SLC30A8: variants seen among roughly 807,000 people sequenced by gnomAD.
SLC30A8 encodes proton-coupled zinc antiporter SLC30A8.
A neutral mutation model predicts 36.9 loss-of-function variants in SLC30A8; 27 were observed. That is an observed-to-expected ratio of 0.73 (90% CI 0.54 to 1.01). The LOEUF (loss-of-function observed/expected upper bound fraction) is 1.01, where lower values mean the gene tolerates loss of function less well. Ranked by LOEUF, SLC30A8 falls within the 50% of genes least tolerant of loss-of-function variation. The pLI is 0.00. For missense variants in SLC30A8, 439 were observed against 452.0 expected (o/e 0.97, Z 0.26); for synonymous variants, 164 against 172.4 (o/e 0.95, Z 0.38).
chr8:117,063,397 T>C (rs116113707), intron 2 of SLC30A8, among the ~76,000 whole-genome samples: 1,780 of 152,260 alleles, frequency 0.012, 50 homozygotes, highest in African/African-American at 0.04. Context: ...ATGTCCTAAG[T>C]GCCTCTCTTA....
intron 2 of SLC30A8, among the ~76,000 whole-genome samples, chr8:117,148,097 A>G (rs1240104364): frequency 6.6e-6 from 1 of 151,890 alleles, no homozygotes; most frequent in Non-Finnish European, 1.5e-5. Context: ...TGACTTAGAG[A>G]TGTTTTAAAT....
intron 2 of SLC30A8, among the ~76,000 whole-genome samples, chr8:117,051,287 A>T (rs920826148): frequency 1.4e-4 from 22 of 152,214 alleles, no homozygotes; most frequent in Admixed American, 3.3e-4. Context: ...TATCACAATG[A>T]TGAGGAAGCT....
intron 2 of SLC30A8, among the ~76,000 whole-genome samples, chr8:117,109,366 A>G (rs953561743): frequency 3.9e-5 from 6 of 152,198 alleles, no homozygotes; most frequent in African/African-American, 9.6e-5. Flanking sequence ...TATAAATGAA[A>G]AAGTTGAGGC....
intron 1 of SLC30A8, among the ~76,000 whole-genome samples, chr8:116,971,825 A>G (rs561530659): frequency 6.6e-6 from 1 of 152,336 alleles, no homozygotes; most frequent in Non-Finnish European, 1.5e-5. Flanking sequence ...CGTCATAATG[A>G]TAGAGGTTCT....
chr8:117,078,477 T>C (rs533797178), intron 2 of SLC30A8, among the ~76,000 whole-genome samples: 2 of 152,256 alleles, frequency 1.3e-5, no homozygotes, highest in East Asian at 3.9e-4. Context: ...ATTTTTTTTT[T>C]CTTTTTTTCC....
At chr8:117,051,792 G>C (rs1031449246) in intron 2 of SLC30A8, among the ~76,000 whole-genome samples, 1 of 151,614 alleles carries the variant, frequency 6.6e-6, no homozygotes, top group African/African-American at 2.4e-5. Context: ...CAGCCTGGGC[G>C]ACAGAATGAG....
At chr8:117,004,829 C>T (rs757102401) in intron 1 of SLC30A8, among the ~76,000 whole-genome samples, 22 of 152,032 alleles carry the variant, frequency 1.4e-4, no homozygotes, top group Non-Finnish European at 1.5e-4. Flanking sequence ...ATAATAGTAG[C>T]AAATGCCATC....
intron 1 of SLC30A8, among the ~76,000 whole-genome samples, chr8:117,009,865 G>A (rs1816292012): frequency 6.6e-6 from 1 of 152,126 alleles, no homozygotes; most frequent in South Asian, 2.1e-4. Context: ...AACATTTTTT[G>A]TCCTCTCTTT....
In SLC30A8 at chr8:116,990,317, G is replaced by GA. The variant is rs35943841; in HGVS notation, c.-266+39208dup. On this transcript the variant is annotated intron_variant, in intron 1 of 10. Coordinates refer to the SLC30A8 transcript ENST00000427715. ...CTTCTGAAGAATAGTGTTTAGAAAGGAAAAAAAAAATAGCTCTACAGTGGA... is the reference window on the plus strand; with the variant it reads ...CTTCTGAAGAATAGTGTTTAGAAAGGAAAAAAAAAAATAGCTCTACAGTGGA... 1.7e-3 allele frequency among the ~76,000 whole-genome samples: 258 copies of GA among 148,464 alleles called. 1 individual carries two copies. The highest frequency in any genetic ancestry group is 2.7e-3 in the Non-Finnish European group (179 of 66,958).
At chr8:117,026,675 A>G (rs977110447) in intron 1 of SLC30A8, among the ~76,000 whole-genome samples, 6 of 152,156 alleles carry the variant, frequency 3.9e-5, no homozygotes, top group Non-Finnish European at 7.4e-5. Flanking sequence ...AAGCCACTTT[A>G]TCTCTCTGAT....
intron 6 of SLC30A8, among the ~76,000 whole-genome samples, chr8:117,168,781 A>C (rs1432712457): frequency 6.6e-6 from 1 of 152,176 alleles, no homozygotes; most frequent in Non-Finnish European, 1.5e-5. Context: ...TTTTGATTGC[A>C]ATTCCTAGAC....
chr8:117,030,041 A>G (rs946562366), intron 1 of SLC30A8, among the ~76,000 whole-genome samples: 3 of 152,136 alleles, frequency 2.0e-5, no homozygotes, highest in African/African-American at 4.8e-5. Context: ...GATCTTAGAC[A>G]TTTTCAGAGC....
intron 1 of SLC30A8, among the ~76,000 whole-genome samples, chr8:116,971,505 T>C (rs974256586): frequency 6.6e-6 from 1 of 152,228 alleles, no homozygotes; most frequent in Non-Finnish European, 1.5e-5. Flanking sequence ...TCATGCCTAA[T>C]ATTATGGTAT....
intron 6 of SLC30A8, among the ~76,000 whole-genome samples, chr8:117,170,625 G>A (rs1357464882): frequency 6.6e-6 from 1 of 152,080 alleles, no homozygotes; most frequent in East Asian, 1.9e-4. Flanking sequence ...ATGTGCTGAG[G>A]GTCAGAGAAG....
intron 1 of SLC30A8, among the ~76,000 whole-genome samples, chr8:117,027,588 A>T (rs558616814): frequency 6.6e-6 from 1 of 152,244 alleles, no homozygotes; most frequent in South Asian, 2.1e-4. Flanking sequence ...TGCCCAGTAA[A>T]TTGGTGTTAA....
chr8:117,020,075 G>T (rs904216920), intron 1 of SLC30A8, among the ~76,000 whole-genome samples: 1 of 152,202 alleles, frequency 6.6e-6, no homozygotes, highest in Non-Finnish European at 1.5e-5. Flanking sequence ...TCAGTGCAGG[G>T]CTCAGTCATA....
At chr8:117,041,021 C>T (rs1817369891) in intron 2 of SLC30A8, among the ~76,000 whole-genome samples, 1 of 152,058 alleles carries the variant, frequency 6.6e-6, no homozygotes, top group South Asian at 2.1e-4. Flanking sequence ...AACTGAGGAC[C>T]AGATTTGAGA....
chr8:117,132,163 C>A (rs1821163928), upstream of SLC30A8, among the ~76,000 whole-genome samples: 1 of 152,002 alleles, frequency 6.6e-6, no homozygotes, highest in Non-Finnish European at 1.5e-5. Flanking sequence ...ATATGGGGAA[C>A]ACAAATTGTA....
chr8:117,082,927 C>T (rs1049901736), intron 2 of SLC30A8, among the ~76,000 whole-genome samples: 14 of 152,140 alleles, frequency 9.2e-5, no homozygotes, highest in Admixed American at 6.5e-5. Context: ...GAAAAGCAGG[C>T]AGAAACCAGA....
Sources: allele counts gnomAD v4.1 joint callset (sites outside exome capture counted in the v4.1 genomes callset), GRCh38; gene constraint gnomAD v4.1.1; transcripts MANE v1.5; gene names NCBI Gene and HGNC (gene_info 2026-07-23, HGNC 2026-07-21).